Variants in MCTP2 observed in about 807,000 individuals in gnomAD.
The protein encoded by MCTP2 is multiple C2 and transmembrane domain-containing protein 2.
Under a neutral mutation model 111.6 loss-of-function variants are expected in MCTP2, and 132 were observed. The observed-to-expected ratio is 1.18, with a 90% CI of 1.03 to 1.37. The LOEUF (loss-of-function observed/expected upper bound fraction) is 1.37. Ranked by LOEUF, MCTP2 falls within the 40% of genes most tolerant of loss-of-function variation. MCTP2 has a pLI of 0.00. For missense variants in MCTP2, 1,183 were observed against 1,067.9 expected (o/e 1.11, Z -1.50); for synonymous variants, 395 against 387.7 (o/e 1.02, Z -0.22).
intron 10 of MCTP2, among the ~76,000 whole-genome samples, chr15:94,367,185 T>G (rs1168401422): frequency 6.6e-6 from 1 of 152,044 alleles, no homozygotes; most frequent in Non-Finnish European, 1.5e-5. Flanking sequence ...TTATCTTTTT[T>G]TTTCCTTCAT....
upstream of MCTP2, among the ~76,000 whole-genome samples, chr15:94,231,369 G>A (rs536897395): frequency 6.6e-6 from 1 of 152,248 alleles, no homozygotes. Flanking sequence ...CCCAGCCAGT[G>A]CCCAGCACCA....
chr15:94,340,780 G>A, intron 6 of MCTP2, 33 bp from the exon 7 acceptor site: 1 of 1,352,464 alleles, frequency 7.4e-7, no homozygotes, highest in East Asian at 2.3e-5. Flanking sequence ...CTGTCAATAA[G>A]TGGTAGCATT....
chr15:94,414,378 T>C (rs1420034265), intron 17 of MCTP2, among the ~76,000 whole-genome samples: 1 of 152,174 alleles, frequency 6.6e-6, no homozygotes. Context: ...GGAATGCAAG[T>C]CAGACACTCT....
intron 21 of MCTP2, 51 bp downstream of exon 21, chr15:94,470,493 A>G: frequency 1.7e-6 from 2 of 1,204,554 alleles, no homozygotes; most frequent in South Asian, 1.2e-5. Flanking sequence ...GTAAGAACCA[A>G]TTACTCATTT....
In MCTP2 at chr15:94,401,514, A is replaced by G. The variant is rs74346168; in HGVS notation, c.1966-386A>G. 1.2e-3 allele frequency among the ~76,000 whole-genome samples: 187 copies of G among 152,160 alleles called. No homozygotes were observed. In the East Asian group the frequency reaches 0.018, roughly 15 times the overall value. ...ACATAGACACTCATTCTGTGTCTGT[A>G]TCTCTCTTTATCTCTCTCTCTCTGT... is the stretch of plus-strand genomic sequence containing the variant. On this transcript the variant is annotated intron_variant, in intron 16 of 22. Coordinates refer to ENST00000357742, the MANE Select transcript of MCTP2 (RefSeq NM_001385001.1).
At chr15:94,298,833 C>G in intron 2 of MCTP2, 103 bp downstream of exon 2, 1 of 421,204 alleles carries the variant, frequency 2.4e-6, no homozygotes. Context: ...CCCCCCTCCC[C>G]CTCCCTCTCT....
At chr15:94,294,502 T>C (rs1458707921) in intron 1 of MCTP2, among the ~76,000 whole-genome samples, 2 of 152,150 alleles carry the variant, frequency 1.3e-5, no homozygotes, top group East Asian at 3.9e-4. Flanking sequence ...AATACGTGCA[T>C]TCCTACCAGC....
At chr15:94,377,037 TTTGAG>T (rs2079814494) in intron 12 of MCTP2, among the ~76,000 whole-genome samples, 1 of 152,172 alleles carries the variant, frequency 6.6e-6, no homozygotes, top group Non-Finnish European at 1.5e-5. Context: ...GATACTGACT[TTTGAG>T]TTGTTTCTGG....
rs34860214 is a variant in MCTP2, at chr15:94,413,569, A to AGTGTGTGTGTGT, written c.2085+11563_2085+11574dup. On this transcript the variant is annotated intron_variant, in intron 17 of 22. Transcript: ENST00000357742. ...CATGGCTTGCTTAGGCATGACGCTG[A>AGTGTGTGTGTGT]GTGTGTGTGTGTGTGTGTGTGTGTT... 1.2e-4 allele frequency among the ~76,000 whole-genome samples: 18 copies of AGTGTGTGTGTGT among 149,342 alleles called. No homozygotes were observed. The South Asian group carries it at 3.0e-3, about 25-fold the overall frequency.
chr15:94,407,656 T>C (rs11074274), intron 17 of MCTP2, among the ~76,000 whole-genome samples: 18,593 of 152,064 alleles, frequency 0.12, 1,309 homozygotes, highest in African/African-American at 0.13. Flanking sequence ...TTAACATATA[T>C]AGAATTTTTA....
At chr15:94,446,057 T>C (rs1029640426) in intron 19 of MCTP2, among the ~76,000 whole-genome samples, 2 of 152,234 alleles carry the variant, frequency 1.3e-5, no homozygotes, top group Admixed American at 6.5e-5. Flanking sequence ...GGAACAGGGA[T>C]TGTTGTAAAA....
intron 10 of MCTP2, among the ~76,000 whole-genome samples, chr15:94,364,766 T>C (rs975350071): frequency 2.0e-5 from 3 of 152,220 alleles, no homozygotes; most frequent in Non-Finnish European, 4.4e-5. Flanking sequence ...AGTAACCTCT[T>C]ACTAGGTTGG....
intron 19 of MCTP2, among the ~76,000 whole-genome samples, chr15:94,444,776 C>T (rs936194481): frequency 1.3e-5 from 2 of 152,148 alleles, no homozygotes; most frequent in Non-Finnish European, 1.5e-5. Context: ...TCACATTAGG[C>T]AAAATTCTAA....
At chr15:94,371,881 T>G (rs16949028) in intron 12 of MCTP2, among the ~76,000 whole-genome samples, 6,175 of 152,166 alleles carry the variant, frequency 0.041, 436 homozygotes, top group African/African-American at 0.14. Context: ...AAAACTTAAT[T>G]TATTTAGCCT....
At chr15:94,441,866 G>T (rs1306157989) in intron 18 of MCTP2, among the ~76,000 whole-genome samples, 1 of 152,068 alleles carries the variant, frequency 6.6e-6, no homozygotes, top group African/African-American at 2.4e-5. Flanking sequence ...CATGTTTGCT[G>T]CCAGTTGTGA....
chr15:94,305,135 G>T (rs1236566490), intron 2 of MCTP2, among the ~76,000 whole-genome samples: 2 of 152,064 alleles, frequency 1.3e-5, no homozygotes, highest in Non-Finnish European at 2.9e-5. Flanking sequence ...TGGCCTTTAG[G>T]AGGTGATTAA....
At chr15:94,396,090 T>C (rs759904534) in intron 14 of MCTP2, among the ~76,000 whole-genome samples, 14 of 152,170 alleles carry the variant, frequency 9.2e-5, no homozygotes, top group Non-Finnish European at 1.6e-4. Context: ...TACAAAAATG[T>C]GTAGTAAGTC....
chr15:94,402,974 G>A (rs1169448444), intron 17 of MCTP2: 2 of 1,007,554 alleles, frequency 2.0e-6, no homozygotes, highest in East Asian at 9.5e-5. Context: ...AACAGGCATA[G>A]CCTCATATAA....
intron 2 of MCTP2, among the ~76,000 whole-genome samples, chr15:94,310,419 C>T (rs575673607): frequency 1.3e-5 from 2 of 152,182 alleles, no homozygotes; most frequent in Admixed American, 1.3e-4. Flanking sequence ...CAAATATATA[C>T]AGGTGTTTAA....
Sources: allele counts gnomAD v4.1 joint callset (sites outside exome capture counted in the v4.1 genomes callset), GRCh38; gene constraint gnomAD v4.1.1; transcripts MANE v1.5; gene names NCBI Gene and HGNC (gene_info 2026-07-23, HGNC 2026-07-21).